Variants in CAMKK1 observed in about 807,000 individuals in gnomAD.
CAMKK1 encodes calcium/calmodulin dependent protein kinase kinase 1, also known as calcium/calmodulin-dependent protein kinase kinase 1.
In CAMKK1, 20 loss-of-function variants were observed where a neutral mutation model predicts 63.5. The ratio of observed to expected loss-of-function variants is 0.32; its 90% confidence interval spans 0.22 to 0.46. The LOEUF is 0.46. Among genes scored for constraint, CAMKK1 ranks in the 20% least tolerant of loss-of-function variants. CAMKK1 has a pLI of 1.00. For missense variants in CAMKK1, 588 were observed against 658.1 expected (o/e 0.89, Z 1.17); for synonymous variants, 253 against 269.0 (o/e 0.94, Z 0.58).
Position 3,862,854 on chromosome 17 carries a change from C to T in CAMKK1, c.1446-571G>A, listed in dbSNP as rs2054376516. ...GTTTCACCATGTTGCCCAGGCTGGT[C>T]TCAAACTCCTGGGCTCAAGCGATCC... On this transcript the variant is annotated intron_variant, in intron 15 of 15. Coordinates refer to ENST00000348335, the MANE Select transcript of CAMKK1 (RefSeq NM_032294.3). The surrounding 1 kb of genome is among the most constrained non-coding windows in gnomAD (Gnocchi z 4.1). Among the ~76,000 whole-genome samples, 1 of 152,144 alleles carries T rather than the reference C, an allele frequency of 6.6e-6. No homozygotes were observed. Among genetic ancestry groups the T allele is most frequent in the Non-Finnish European group, 1.5e-5 (1 of 68,032 alleles).
intron 9 of CAMKK1, among the ~76,000 whole-genome samples, chr17:3,877,071 T>C (rs7221971): frequency 0.37 from 56,270 of 151,916 alleles, 11,127 homozygotes; most frequent in Non-Finnish European, 0.41. Flanking sequence ...AGCAGAGTTC[T>C]TCCTAGGCTA....
In CAMKK1 at chr17:3,890,993, T is replaced by C. The variant is rs1015707864; in HGVS notation, c.-44+1946A>G. Among the ~76,000 whole-genome samples, 7 of 152,108 alleles carry C rather than the reference T, an allele frequency of 4.6e-5. No homozygotes were observed. Among genetic ancestry groups the C allele is most frequent in the African/African-American group, 1.4e-4 (6 of 41,402 alleles). ...ACCCTACCCCATCCTCCACACCAGCTGCTGGAGGGATTTCCAACATGCAAA... is the reference window on the plus strand; with the variant it reads ...ACCCTACCCCATCCTCCACACCAGCCGCTGGAGGGATTTCCAACATGCAAA... On this transcript the variant is annotated intron_variant, in intron 1 of 15. Transcript: ENST00000348335. The surrounding 1 kb of genome is among the most constrained non-coding windows in gnomAD (Gnocchi z 6.5).
At chr17:3,878,040 A>G (rs2143851157) in intron 9 of CAMKK1, among the ~76,000 whole-genome samples, 1 of 152,272 alleles carries the variant, frequency 6.6e-6, no homozygotes, top group Middle Eastern at 3.4e-3. Context: ...TGAAAGGCCA[A>G]AAACTTCAGG....
chr17:3,866,836 C>T (rs2054546099), intron 14 of CAMKK1, among the ~76,000 whole-genome samples: 1 of 152,192 alleles, frequency 6.6e-6, no homozygotes, highest in Non-Finnish European at 1.5e-5. Flanking sequence ...CCTTCCGCCT[C>T]AGTCTCCTGA....
chr17:3,890,855 C>T lies in CAMKK1; in HGVS notation c.-44+2084G>A, dbSNP rs1035391459. 8 of 749,438 alleles carry T rather than the reference C, an allele frequency of 1.1e-5. No homozygotes were observed. The Admixed American group carries it at 1.5e-4, about 14-fold the overall frequency. 46.4% of individuals were successfully genotyped at this position (749,438 alleles called of 1,614,324 possible). On this transcript the variant is annotated intron_variant, in intron 1 of 15. Coordinates refer to ENST00000348335, the MANE Select transcript of CAMKK1 (RefSeq NM_032294.3). This position sits in a 1 kb window ranked among gnomAD's most constrained non-coding sequence, Gnocchi z 6.5. ...TTCTGAGCCCTCCTTGATCTCCCCA[C>T]TACCTGCTGGGTGAGCTCACCAAGT...
At position 3,882,309 on chromosome 17, in the gene CAMKK1, G is replaced by A. The variant is rs1415699826; in HGVS notation, c.685+219C>T. On this transcript the variant is annotated intron_variant, in intron 7 of 15. Transcript: ENST00000348335. The surrounding 1 kb of genome is among the most constrained non-coding windows in gnomAD (Gnocchi z 4.3). ...TGTCTTGCTGCTCAGAGGGAAGCAG[G>A]GAGTGGGGCTTGGCGATATTTGTTG... 1.9e-6 allele frequency: 3 copies of A among 1,614,142 alleles called. No homozygotes were observed. In the South Asian group the frequency reaches 3.3e-5, roughly 18 times the overall value.
chr17:3,867,826 C>G (rs1266001441), intron 14 of CAMKK1, among the ~76,000 whole-genome samples: 2 of 152,194 alleles, frequency 1.3e-5, no homozygotes, highest in African/African-American at 4.8e-5. Context: ...CAGGGCAGGG[C>G]TCTCAGTGGC....
In CAMKK1 at chr17:3,860,494, G is replaced by A. The variant is rs1188258403; in HGVS notation, c.*1717C>T. On this transcript the variant is annotated 3_prime_UTR_variant, in exon 16 of 16. Coordinates refer to ENST00000348335, the MANE Select transcript of CAMKK1 (RefSeq NM_032294.3). ...GCATCCCACCTGGGCCTACCCCTGA[G>A]CTTTCCAAGGGTGGGTCCGATCAAA... 6.6e-6 allele frequency: 1 copy of A among 152,656 alleles called. No homozygotes were observed. The highest frequency in any genetic ancestry group is 1.5e-5 in the Non-Finnish European group (1 of 68,052). The allele number at this position is 152,656 out of a possible 1,614,324, so 9.5% of individuals were successfully genotyped here.
intron 12 of CAMKK1, among the ~76,000 whole-genome samples, chr17:3,871,333 G>GGTGTTTT (rs1567617833): frequency 9.0e-6 from 1 of 111,006 alleles, no homozygotes; most frequent in African/African-American, 3.2e-5. Flanking sequence ...GTTGTTTTTT[G>GGTGTTTT]TTTTTTTTTT....
Position 3,883,455 on chromosome 17 carries a change from T to G in CAMKK1, c.488A>C (p.Lys163Thr). ...HYAMKVLSKKKLLKQYGFPRR... is the reference protein window; with the variant it reads ...HYAMKVLSKKTLLKQYGFPRR... ...TGGAAAGCCATACTGCTTCAGTAAC[T>G]TCTTTTTGGAAAGGACTTTCATTGC... Residue 163 changes from lysine (K) to threonine (T), a missense_variant, in exon 5 of 16, where the codon AAG (lysine) becomes ACG (threonine). This residue lies in a region of CAMKK1 where 357 missense variants were observed against 407.4 expected (regional missense o/e 0.88). Coordinates refer to ENST00000348335, the MANE Select transcript of CAMKK1 (RefSeq NM_032294.3). This position sits in a 1 kb window ranked among gnomAD's most constrained non-coding sequence, Gnocchi z 4.7. 1.9e-6 allele frequency: 3 copies of G among 1,613,966 alleles called. No homozygotes were observed. Among genetic ancestry groups the G allele is most frequent in the Non-Finnish European group, 2.5e-6 (3 of 1,179,840 alleles).
intron 14 of CAMKK1, among the ~76,000 whole-genome samples, chr17:3,866,452 C>T (rs955115773): frequency 1.1e-4 from 16 of 152,272 alleles, no homozygotes; most frequent in African/African-American, 3.4e-4. Flanking sequence ...GTGGCCCAGT[C>T]AGTGGGGCTG....
At position 3,867,178 on chromosome 17, in the gene CAMKK1, G is replaced by C. The variant is rs565253430; in HGVS notation, c.1342-1167C>G. Among the ~76,000 whole-genome samples, 147 of 152,338 alleles carry C rather than the reference G, an allele frequency of 9.6e-4. 2 individuals carry two copies. The highest frequency in any genetic ancestry group is 1.8e-3 in the Non-Finnish European group (121 of 68,018). On this transcript the variant is annotated intron_variant, in intron 14 of 15. Coordinates refer to ENST00000348335, the MANE Select transcript of CAMKK1 (RefSeq NM_032294.3). The stretch of plus-strand genomic sequence containing the variant: ...GGCTGAAGCTACAGGGTCAGGGAAG[G>C]CTCGCTTCTCTCTAGGAGGGGACCC...
chr17:3,871,068 T>C (rs1398534592), intron 12 of CAMKK1, among the ~76,000 whole-genome samples: 3 of 152,158 alleles, frequency 2.0e-5, no homozygotes, highest in African/African-American at 7.2e-5. Flanking sequence ...TTTGTTGTGC[T>C]TTATCAGGGC....
chr17:3,864,694 C>T (rs2054449195), intron 15 of CAMKK1, among the ~76,000 whole-genome samples: 3 of 152,154 alleles, frequency 2.0e-5, no homozygotes, highest in Admixed American at 2.0e-4. Flanking sequence ...GAGAATCCTC[C>T]CCCAACCGCA....
In CAMKK1 at chr17:3,861,910, G is replaced by A. The variant is rs995374189; in HGVS notation, c.*301C>T. Reference sequence around the variant, plus strand: ...CTGCCCCAGGCCATGCCAACCAGCCGGGTGGCATTTCTGAGGCTCCATGGG... The same window carrying A: ...CTGCCCCAGGCCATGCCAACCAGCCAGGTGGCATTTCTGAGGCTCCATGGG... On this transcript the variant is annotated 3_prime_UTR_variant, in exon 16 of 16. Coordinates refer to ENST00000348335, the MANE Select transcript of CAMKK1 (RefSeq NM_032294.3). The A allele has an allele frequency of 2.6e-5, 11 of 423,518 alleles. No individual in the cohort carries two copies. The highest frequency in any genetic ancestry group is 2.4e-4 in the East Asian group (6 of 24,906). The allele number at this position is 423,518 out of a possible 1,614,324, so 26.2% of individuals were successfully genotyped here. A position where few individuals can be genotyped will look rare whatever the true frequency, so the allele number is the denominator to read the frequency against.
rs770484618 is a variant in CAMKK1 at position 3,884,069 on chromosome 17, G to A, written c.409-132C>T. ...CACTACCCACCACCAGCTGGCTCAC[G>A]GGCAAATATTGTAGCAGATGGGGAG... is the stretch of plus-strand genomic sequence containing the variant. On this transcript the variant is annotated intron_variant, in intron 3 of 15. Coordinates refer to ENST00000348335, the MANE Select transcript of CAMKK1 (RefSeq NM_032294.3). This position sits in a 1 kb window ranked among gnomAD's most constrained non-coding sequence, Gnocchi z 4.5. 7.8e-6 allele frequency: 7 copies of A among 898,066 alleles called. No homozygotes were observed. The highest frequency in any genetic ancestry group is 4.1e-5 in the Admixed American group (2 of 49,090). The allele number at this position is 898,066 out of a possible 1,614,324, so 55.6% of individuals were successfully genotyped here. A position where few individuals can be genotyped will look rare whatever the true frequency, so the allele number is the denominator to read the frequency against.
chr17:3,874,333 C>A (rs2055043115), intron 10 of CAMKK1, among the ~76,000 whole-genome samples: 1 of 152,074 alleles, frequency 6.6e-6, no homozygotes, highest in Non-Finnish European at 1.5e-5. Flanking sequence ...AGTACAGTAT[C>A]AGGACAACTG....
At chr17:3,866,213 C>T (rs746395908) in intron 14 of CAMKK1, among the ~76,000 whole-genome samples, 2 of 152,188 alleles carry the variant, frequency 1.3e-5, no homozygotes, top group African/African-American at 2.4e-5. Flanking sequence ...AGCCGGATGC[C>T]ACTGGTACAT....
intron 1 of CAMKK1, among the ~76,000 whole-genome samples, chr17:3,886,466 T>C (rs973984894): frequency 6.6e-6 from 1 of 152,152 alleles, no homozygotes; most frequent in African/African-American, 2.4e-5. Context: ...ACTCTGTCTC[T>C]ATTAAAAATA....
Sources: gnomAD v4.1 joint callset for allele counts (sites outside exome capture counted in the v4.1 genomes callset) on GRCh38, gnomAD v4.1.1 for gene constraint, gnomAD v4.1.1 regional missense constraint, Gnocchi (gnomAD v3.1) non-coding constraint, MANE v1.5 for transcripts, NCBI Gene and HGNC (gene_info 2026-07-23, HGNC 2026-07-21) for gene names.